Variants in MAF observed in about 807,000 individuals in gnomAD.
MAF encodes the protein transcription factor Maf.
Under a neutral mutation model 22.0 loss-of-function variants are expected in MAF, and 10 were observed. That is an observed-to-expected ratio of 0.45 (90% confidence interval 0.28 to 0.77). The LOEUF (loss-of-function observed/expected upper bound fraction) is 0.77, where lower values mean the gene tolerates loss of function less well. Among genes scored for constraint, MAF ranks in the 30% least tolerant of loss-of-function variants. The probability of loss-of-function intolerance (pLI) is 0.12; values close to 1 mark genes in which losing one functional copy is unlikely to be tolerated. For synonymous variants in MAF, 337 were observed against 255.8 expected, an observed-to-expected ratio of 1.32 and a Z score of -3.03; for missense variants, 544 against 548.4, an observed-to-expected ratio of 0.99 and a Z score of 0.08.
At chr16:79,241,907 G>T in the MAF span, among the ~76,000 whole-genome samples, 3 of 151,998 alleles carry the variant, frequency 2.0e-5, no homozygotes, top group Non-Finnish European at 4.4e-5. Context: ...TTAAAGAAAA[G>T]AATTTTCAAC....
chr16:79,211,456 G>C, the MAF span: 3 of 932,554 alleles, frequency 3.2e-6, no homozygotes, highest in Non-Finnish European at 5.0e-6. Context: ...TTACAGTCAT[G>C]TGCTTTCAGC....
chr16:79,341,442 A>C, the MAF span, among the ~76,000 whole-genome samples: 1 of 152,136 alleles, frequency 6.6e-6, no homozygotes, highest in African/African-American at 2.4e-5. Context: ...ATCTCTTCTC[A>C]ACTCACACCT....
the MAF span, among the ~76,000 whole-genome samples, chr16:79,273,793 A>G: frequency 6.6e-6 from 1 of 152,054 alleles, no homozygotes; most frequent in Non-Finnish European, 1.5e-5. Flanking sequence ...ATTTAATTCC[A>G]TCTGTATCTT....
chr16:79,423,496 C>G, the MAF span, among the ~76,000 whole-genome samples: 100,415 of 152,060 alleles, frequency 0.66, 34,186 homozygotes, highest in East Asian at 0.87. Context: ...ATGGCAGCAA[C>G]ATCTACCCCA....
At chr16:79,524,514 A>G in the MAF span, among the ~76,000 whole-genome samples, 1 of 152,220 alleles carries the variant, frequency 6.6e-6, no homozygotes, top group Non-Finnish European at 1.5e-5. Flanking sequence ...TTCATCAGCA[A>G]TTTTGAGGTT....
chr16:79,233,447 C>G, the MAF span, among the ~76,000 whole-genome samples: 1 of 151,918 alleles, frequency 6.6e-6, no homozygotes, highest in East Asian at 1.9e-4. Flanking sequence ...TGTGGAGATT[C>G]AAGGTGGATG....
At chr16:79,234,893 C>T in the MAF span, among the ~76,000 whole-genome samples, 10,612 of 152,096 alleles carry the variant, frequency 0.07, 570 homozygotes, top group Middle Eastern at 0.15. Context: ...GGGGCTTGAC[C>T]TGCCCTCGCG....
At chr16:79,401,715 C>CG in the MAF span, among the ~76,000 whole-genome samples, 2 of 151,954 alleles carry the variant, frequency 1.3e-5, no homozygotes, top group African/African-American at 2.4e-5. Context: ...CCGTGTGGTA[C>CG]GCAGAATACG....
At chr16:79,205,132 C>T in the MAF span, 2 of 152,184 alleles carry the variant, frequency 1.3e-5, no homozygotes, top group African/African-American at 4.8e-5. Flanking sequence ...TGAGCACGTG[C>T]CTGTCATTTA....
chr16:79,592,339 C>T (rs113194286), downstream of MAF, among the ~76,000 whole-genome samples: 16 of 152,098 alleles, frequency 1.1e-4, no homozygotes, highest in African/African-American at 2.4e-4. Context: ...CCCCTACCCC[C>T]GCTAGGGAAA....
chr16:79,504,881 A>G, the MAF span, among the ~76,000 whole-genome samples: 2 of 152,226 alleles, frequency 1.3e-5, no homozygotes, highest in African/African-American at 2.4e-5. Flanking sequence ...AATGCCTTGT[A>G]CGAACACACA....
chr16:79,209,644 G>C, the MAF span, among the ~76,000 whole-genome samples: 1 of 152,136 alleles, frequency 6.6e-6, no homozygotes, highest in East Asian at 1.9e-4. Context: ...CAGATATCTG[G>C]AAGTTGATAC....
the MAF span, among the ~76,000 whole-genome samples, chr16:79,216,807 G>C: frequency 6.6e-6 from 1 of 150,558 alleles, no homozygotes; most frequent in Non-Finnish European, 1.5e-5. Context: ...TACTCTATCT[G>C]CTACTTTTTT....
chr16:79,285,708 G>A, the MAF span, among the ~76,000 whole-genome samples: 2 of 152,180 alleles, frequency 1.3e-5, no homozygotes, highest in Admixed American at 6.5e-5. Context: ...GCTGGATTCC[G>A]CAAGGCCAGA....
downstream of MAF, among the ~76,000 whole-genome samples, chr16:79,584,495 C>G (rs979294467): frequency 2.5e-4 from 38 of 152,276 alleles, no homozygotes; most frequent in African/African-American, 8.7e-4. Flanking sequence ...TCTTTCCCAC[C>G]AGTAACCTTA....
At chr16:79,232,185 G>A in the MAF span, among the ~76,000 whole-genome samples, 7 of 152,028 alleles carry the variant, frequency 4.6e-5, no homozygotes, top group African/African-American at 1.7e-4. Context: ...ACCAATCTGT[G>A]GCCCAGGGGT....
the MAF span, among the ~76,000 whole-genome samples, chr16:79,408,200 G>A: frequency 6.6e-6 from 1 of 151,534 alleles, no homozygotes; most frequent in Non-Finnish European, 1.5e-5. Context: ...TGTTTGAGAT[G>A]GACTCTCGCT....
the MAF span, among the ~76,000 whole-genome samples, chr16:79,258,390 T>G: frequency 5.5e-4 from 84 of 151,892 alleles, 3 homozygotes; most frequent in East Asian, 0.016. Context: ...CAGACAGGAG[T>G]CTCTAAGCGG....
chr16:79,556,342 C>T, the MAF span, among the ~76,000 whole-genome samples: 2 of 152,230 alleles, frequency 1.3e-5, no homozygotes, highest in Non-Finnish European at 2.9e-5. Flanking sequence ...TACCACTTAG[C>T]TCAAGCTCCC....
Sources: allele counts gnomAD v4.1 joint callset (sites outside exome capture counted in the v4.1 genomes callset), GRCh38; gene constraint gnomAD v4.1.1; transcripts MANE v1.5; gene names NCBI Gene and HGNC (gene_info 2026-07-23, HGNC 2026-07-21).